The following ATP5PF variants were observed in gnomAD, a reference collection of about 807,000 sequenced individuals.
The protein encoded by ATP5PF is ATP synthase peripheral stalk subunit F6.
In ATP5PF, 7 loss-of-function variants were observed where a neutral mutation model predicts 12.0. That is an observed-to-expected ratio of 0.58 (90% CI 0.33 to 1.10). The LOEUF (loss-of-function observed/expected upper bound fraction) is 1.10. Ranked by LOEUF, ATP5PF falls within the 50% of genes least tolerant of loss-of-function variation. The probability of loss-of-function intolerance (pLI) is 0.03; values close to 1 mark genes in which losing one functional copy is unlikely to be tolerated. For missense variants in ATP5PF, 120 were observed against 127.7 expected, an observed-to-expected ratio of 0.94 and a Z score of 0.29; for synonymous variants, 41 against 45.4, an observed-to-expected ratio of 0.90 and a Z score of 0.39.
At chr21:25,735,235 G>A (rs866474894), upstream of ATP5PF, 4 of 574,858 alleles carry the variant, frequency 7.0e-6, no homozygotes, top group Non-Finnish European at 1.3e-5. Context: ...TGTTCGTTAG[G>A]GTTATCGAAG....
At chr21:25,735,143 C>T (rs889681622), upstream of ATP5PF, 7 of 666,858 alleles carry the variant, frequency 1.0e-5, no homozygotes, top group Middle Eastern at 2.7e-4. Context: ...TTCTTTTTCC[C>T]CTCCTTGAAA....
rs2034700931 is a variant in ATP5PF, at chr21:25,729,506, C to T, written c.164+125G>A. The T allele has an allele frequency of 5.9e-6, 5 of 845,294 alleles. 1 individual carries two copies. In the South Asian group the frequency reaches 1.4e-4, roughly 24 times the overall value. 52.4% of individuals were successfully genotyped at this position (845,294 alleles called of 1,614,324 possible). ...TCTTTTTTGAGGGCACCTAATGAAC[C>T]TCTATGTCAGAGATGAGCTCAGTGA... On this transcript the variant is annotated intron_variant, in intron 2 of 3. Coordinates refer to ENST00000284971, the MANE Select transcript of ATP5PF (RefSeq NM_001003703.2).
At chr21:25,726,208 A>G (rs2034614639) in intron 2 of ATP5PF, among the ~76,000 whole-genome samples, 1 of 152,224 alleles carries the variant, frequency 6.6e-6, no homozygotes, top group African/African-American at 2.4e-5. Flanking sequence ...ATGGCTTTTA[A>G]AGACCTTAGA....
At chr21:25,729,542 C>T in intron 2 of ATP5PF, 89 bp downstream of exon 2, 1 of 1,282,952 alleles carries the variant, frequency 7.8e-7, no homozygotes, top group Non-Finnish European at 1.1e-6. Context: ...AGGTCTAATA[C>T]TTTCAAATAC....
chr21:25,729,543 T>C (rs2034702123), intron 2 of ATP5PF, 88 bp downstream of exon 2: 1 of 1,293,866 alleles, frequency 7.7e-7, no homozygotes, highest in Middle Eastern at 1.9e-4. Context: ...GGTCTAATAC[T>C]TTCAAATACC....
At chr21:25,728,700 A>G (rs185179238) in intron 2 of ATP5PF, among the ~76,000 whole-genome samples, 3 of 152,324 alleles carry the variant, frequency 2.0e-5, no homozygotes, top group African/African-American at 4.8e-5. Context: ...GATTCTCAAG[A>G]GGGATGAGTA....
At chr21:25,734,218 T>C (rs2034913843) in intron 1 of ATP5PF, 1 of 642,036 alleles carries the variant, frequency 1.6e-6, no homozygotes, top group South Asian at 6.9e-5. Flanking sequence ...CGAGAGCATA[T>C]GATAGCGTCT....
chr21:25,734,369 C>T, intron 1 of ATP5PF: 1 of 988,066 alleles, frequency 1.0e-6, no homozygotes, highest in Middle Eastern at 5.2e-4. Context: ...CTCTTCAGTG[C>T]ATATTCCTAT....
rs374688888 is a variant in ATP5PF at position 25,734,248 on chromosome 21, G to C, written c.-8+605C>G. 3.2e-5 allele frequency: 28 copies of C among 866,894 alleles called. No individual in the cohort carries two copies. The East Asian group carries it at 1.5e-3, about 45-fold the overall frequency. The allele number at this position is 866,894 out of a possible 1,614,324, so 53.7% of individuals were successfully genotyped here. A position where few individuals can be genotyped will look rare whatever the true frequency, so the allele number is the denominator to read the frequency against. ...GCGTCTGACATGATCAGAAAGACTG[G>C]GGAAGGCAACAGTAAGAAAACACTA... is the stretch of plus-strand genomic sequence containing the variant. On this transcript the variant is annotated intron_variant, in intron 1 of 3. Transcript: ENST00000284971.
rs569060536 is a variant in ATP5PF, at chr21:25,732,976, ACT to A, written c.-8+1875_-8+1876del. Among the ~76,000 whole-genome samples the A allele has an allele frequency of 1.0e-4, 10 of 97,432 alleles. No homozygotes were observed. In the South Asian group the frequency reaches 1.5e-3, roughly 15 times the overall value. The allele number at this position is 97,432 out of a possible 152,430, so 63.9% of individuals were successfully genotyped here. ...CTCCACCCTGGGCAACAAGAGTGAA[ACT>A]CTGTCTCAAAAAAAAAAAAAAAAAA... On this transcript the variant is annotated intron_variant, in intron 1 of 3. Coordinates refer to ENST00000284971, the MANE Select transcript of ATP5PF (RefSeq NM_001003703.2).
chr21:25,724,565 T>C lies in ATP5PF; in HGVS notation c.*75A>G. Reference sequence around the variant, plus strand: ...GAACATTTGACAGTTATGAAATGCATGTTTATTCTGAAACTTCTAACTAGT... The same window carrying C: ...GAACATTTGACAGTTATGAAATGCACGTTTATTCTGAAACTTCTAACTAGT... On this transcript the variant is annotated 3_prime_UTR_variant, in exon 4 of 4. Coordinates refer to ENST00000284971, the MANE Select transcript of ATP5PF (RefSeq NM_001003703.2). 1.4e-6 allele frequency: 2 copies of C among 1,473,398 alleles called. No individual in the cohort carries two copies. The highest frequency in any genetic ancestry group is 4.6e-5 in the East Asian group (2 of 43,606). The allele number at this position is 1,473,398 out of a possible 1,614,324, so 91.3% of individuals were successfully genotyped here.
At chr21:25,735,028 G>A (rs1814122150), upstream of ATP5PF, 13 of 1,499,236 alleles carry the variant, frequency 8.7e-6, no homozygotes, top group Non-Finnish European at 1.2e-5. Context: ...CGACCGGACG[G>A]GTCTAGGTGA....
At chr21:25,732,903 AC>A (rs2034825593) in intron 1 of ATP5PF, among the ~76,000 whole-genome samples, 1 of 133,576 alleles carries the variant, frequency 7.5e-6, no homozygotes, top group Non-Finnish European at 1.5e-5. Context: ...GATTCCTTGA[AC>A]CCAGGAGGCG....
chr21:25,728,003 CAA>C (rs2034662461), intron 2 of ATP5PF, among the ~76,000 whole-genome samples: 1 of 152,184 alleles, frequency 6.6e-6, no homozygotes, highest in Admixed American at 6.5e-5. Context: ...TACCTCGCCT[CAA>C]AAGTCAGTTT....
At chr21:25,734,717 G>C (rs1430914517) in intron 1 of ATP5PF, 136 bp downstream of exon 1, 5 of 873,488 alleles carry the variant, frequency 5.7e-6, no homozygotes, top group Non-Finnish European at 6.8e-6. Flanking sequence ...GTGACCCCGG[G>C]CCAGGCCGTG....
intron 1 of ATP5PF, among the ~76,000 whole-genome samples, chr21:25,732,618 C>T (rs1215355524): frequency 1.3e-5 from 2 of 150,818 alleles, no homozygotes; most frequent in Non-Finnish European, 1.5e-5. Context: ...TGCATTCCAG[C>T]CTGTGTTACA....
chr21:25,734,598 C>A (rs867728751), intron 1 of ATP5PF: 66 of 420,734 alleles, frequency 1.6e-4, no homozygotes, highest in Middle Eastern at 6.9e-4. Flanking sequence ...GCCCGAGACC[C>A]CCGGGCCTCC....
chr21:25,725,274 TTTGC>T lies in ATP5PF; in HGVS notation c.237_240del (p.Gln80CysfsTer7). Reference sequence around the variant, plus strand: ...GTATTCATGTCTGCATTACCAAACATTTGCTTGAGCTTAAAAAGCTCCCTCTCCA... The same window carrying T: ...GTATTCATGTCTGCATTACCAAACATTTGAGCTTAAAAAGCTCCCTCTCCA... On this transcript the variant is annotated frameshift_variant, in exon 3 of 4. Transcript: ENST00000284971. LOFTEE classifies it high-confidence loss of function. 1 of 1,613,448 alleles carries T rather than the reference TTTGC, an allele frequency of 6.2e-7. No homozygotes were observed. The highest frequency in any genetic ancestry group is 8.5e-7 in the Non-Finnish European group (1 of 1,179,974).
At chr21:25,733,579 T>C (rs1039075685) in intron 1 of ATP5PF, among the ~76,000 whole-genome samples, 1 of 150,274 alleles carries the variant, frequency 6.7e-6, no homozygotes, top group Non-Finnish European at 1.5e-5. Flanking sequence ...TTAACACATA[T>C]ATGCAAAAAA....
Sources: allele counts gnomAD v4.1 joint callset (sites outside exome capture counted in the v4.1 genomes callset), GRCh38; gene constraint gnomAD v4.1.1; transcripts MANE v1.5; gene names NCBI Gene and HGNC (gene_info 2026-07-23, HGNC 2026-07-21).